Variants in SNTG1 observed in about 807,000 individuals in gnomAD.
The protein encoded by SNTG1 is syntrophin gamma 1, also known as gamma-1-syntrophin.
In SNTG1, 39 loss-of-function variants were observed where a neutral mutation model predicts 74.7. That is an observed-to-expected ratio of 0.52 (90% CI 0.40 to 0.68). The LOEUF (loss-of-function observed/expected upper bound fraction) is 0.68. Among genes scored for constraint, SNTG1 ranks in the 30% least tolerant of loss-of-function variants. The pLI is 0.00. For synonymous variants in SNTG1, 254 were observed against 217.1 expected (o/e 1.17, Z -1.49); for missense variants, 685 against 609.5 (o/e 1.12, Z -1.30).
At chr8:50,481,943 A>G (rs2093744335) in intron 8 of SNTG1, among the ~76,000 whole-genome samples, 1 of 152,222 alleles carries the variant, frequency 6.6e-6, no homozygotes, top group Non-Finnish European at 1.5e-5. Context: ...GAATGGAAAC[A>G]GTTCTGGTCC....
At chr8:50,675,386 G>T (rs1346649153) in intron 15 of SNTG1, among the ~76,000 whole-genome samples, 1 of 151,972 alleles carries the variant, frequency 6.6e-6, no homozygotes, top group African/African-American at 2.4e-5. Context: ...AGCTCTTCTT[G>T]TTGCATTGAT....
At chr8:49,989,476 G>A (rs1379798598) in intron 1 of SNTG1, among the ~76,000 whole-genome samples, 2 of 151,870 alleles carry the variant, frequency 1.3e-5, no homozygotes, top group Non-Finnish European at 2.9e-5. Context: ...ACAAATTAAA[G>A]TCCAGGTTTT....
At chr8:50,221,737 G>T (rs1381577193) in intron 2 of SNTG1, among the ~76,000 whole-genome samples, 2 of 152,080 alleles carry the variant, frequency 1.3e-5, no homozygotes, top group African/African-American at 4.8e-5. Flanking sequence ...GTTTTGATAT[G>T]TACAATGTAT....
chr8:50,298,566 C>G (rs1388341054), intron 2 of SNTG1, among the ~76,000 whole-genome samples: 3 of 152,144 alleles, frequency 2.0e-5, no homozygotes. Flanking sequence ...TTATTATTTA[C>G]TTTGAAGTAA....
At chr8:50,557,723 T>G (rs1489875915) in intron 12 of SNTG1, among the ~76,000 whole-genome samples, 2 of 152,242 alleles carry the variant, frequency 1.3e-5, no homozygotes, top group Non-Finnish European at 2.9e-5. Flanking sequence ...GCAAGGACCC[T>G]TTATCTGGTT....
intron 12 of SNTG1, among the ~76,000 whole-genome samples, chr8:50,578,027 A>G (rs369377342): frequency 6.6e-6 from 1 of 152,228 alleles, no homozygotes; most frequent in Admixed American, 6.5e-5. Flanking sequence ...GAAGTGGCAT[A>G]CAGTTTACCT....
intron 1 of SNTG1, among the ~76,000 whole-genome samples, chr8:49,974,460 G>A (rs1812001351): frequency 6.6e-6 from 1 of 152,130 alleles, no homozygotes; most frequent in Non-Finnish European, 1.5e-5. Context: ...GTTAACATAT[G>A]ATGAAATCAT....
chr8:50,125,848 T>C (rs975389669), intron 1 of SNTG1, among the ~76,000 whole-genome samples: 5 of 152,180 alleles, frequency 3.3e-5, no homozygotes, highest in South Asian at 2.1e-4. Flanking sequence ...GTGCCCATCA[T>C]ACAGTGTGCT....
intron 1 of SNTG1, among the ~76,000 whole-genome samples, chr8:50,075,385 C>T (rs766916631): frequency 2.6e-5 from 4 of 152,196 alleles, no homozygotes; most frequent in African/African-American, 4.8e-5. Context: ...CCAATCAGCA[C>T]TCTGTGTCTA....
intron 9 of SNTG1, among the ~76,000 whole-genome samples, chr8:50,512,241 G>T (rs1304013436): frequency 6.6e-6 from 1 of 151,076 alleles, no homozygotes; most frequent in Non-Finnish European, 1.5e-5. Flanking sequence ...TTTAATATTG[G>T]CCCCCAGTCT....
At chr8:50,674,929 A>T (rs565363352) in intron 15 of SNTG1, among the ~76,000 whole-genome samples, 124 of 152,144 alleles carry the variant, frequency 8.2e-4, no homozygotes, top group African/African-American at 2.8e-3. Context: ...TTTAACCAGG[A>T]GTCATTAAGT....
chr8:50,639,448 T>C (rs1585923314), intron 13 of SNTG1, among the ~76,000 whole-genome samples: 1 of 152,130 alleles, frequency 6.6e-6, no homozygotes, highest in South Asian at 2.1e-4. Flanking sequence ...GGAGAAAAAA[T>C]GTAATGCCAT....
chr8:50,450,685 C>T lies in SNTG1; in HGVS notation c.322-3C>T. 1 of 1,613,330 alleles carries T rather than the reference C, an allele frequency of 6.2e-7. No homozygotes were observed. ...GGAAACTATGCTTTTCTTTTCATTGCAGATAAATGGCATTAATGTGAGAAA... is the reference window on the plus strand; with the variant it reads ...GGAAACTATGCTTTTCTTTTCATTGTAGATAAATGGCATTAATGTGAGAAA... On this transcript the variant is annotated splice_polypyrimidine_tract_variant and splice_region_variant and intron_variant, in intron 7 of 18. Transcript: ENST00000642720.
intron 17 of SNTG1, 34 bp from the exon 18 acceptor site, chr8:50,751,967 C>T (rs563130096): frequency 3.8e-6 from 5 of 1,300,502 alleles, no homozygotes; most frequent in South Asian, 3.0e-5. Flanking sequence ...ATATTAATTC[C>T]ACCGACTTAC....
intron 13 of SNTG1, among the ~76,000 whole-genome samples, chr8:50,624,716 G>GTACT (rs2094945626): frequency 6.6e-6 from 1 of 152,116 alleles, no homozygotes; most frequent in African/African-American, 2.4e-5. Context: ...CAAGTTTACA[G>GTACT]TACTTAGTTC....
intron 1 of SNTG1, among the ~76,000 whole-genome samples, chr8:50,158,659 G>C (rs2082323403): frequency 6.6e-6 from 1 of 151,824 alleles, no homozygotes; most frequent in African/African-American, 2.4e-5. Flanking sequence ...GTTTTTTTCT[G>C]TTGTAATCAA....
chr8:50,075,678 C>T (rs929201964), intron 1 of SNTG1, among the ~76,000 whole-genome samples: 1 of 152,174 alleles, frequency 6.6e-6, no homozygotes, highest in African/African-American at 2.4e-5. Context: ...GCTGCTCACT[C>T]TTTGGGTCCG....
At chr8:50,616,669 C>A (rs2094887366) in intron 13 of SNTG1, among the ~76,000 whole-genome samples, 1 of 152,260 alleles carries the variant, frequency 6.6e-6, no homozygotes, top group Middle Eastern at 3.4e-3. Context: ...ACAGCCAAAG[C>A]CAATCAACAA....
Position 50,752,088 on chromosome 8 carries a change from G to T in SNTG1, c.1372G>T (p.Asp458Tyr), listed in dbSNP as rs779331784. 6.4e-7 allele frequency: 1 copy of T among 1,558,244 alleles called. No homozygotes were observed. The highest frequency in any genetic ancestry group is 1.2e-5 in the South Asian group (1 of 81,934). ...SKIKFLFQNP[D>Y]TKQIEAKELE... ...AATCAAATTTTTGTTTCAGAATCCA[G>T]ATACTAAACAGATTGAAGCAAAGGT... Residue 458 changes from aspartate (D) to tyrosine (Y), a missense_variant, in exon 18 of 19, where the codon GAT becomes TAT. Coordinates refer to ENST00000642720, the MANE Select transcript of SNTG1 (RefSeq NM_018967.5).
Sources: gnomAD v4.1 joint callset for allele counts (sites outside exome capture counted in the v4.1 genomes callset) on GRCh38, gnomAD v4.1.1 for gene constraint, MANE v1.5 for transcripts, NCBI Gene and HGNC (gene_info 2026-07-23, HGNC 2026-07-21) for gene names.